The following HTR4 variants were observed in gnomAD, a reference collection of about 807,000 sequenced individuals.
The protein encoded by HTR4 is 5-hydroxytryptamine (serotonin) receptor 4, G protein-coupled.
A neutral mutation model predicts 36.8 loss-of-function variants in HTR4; 16 were observed. That is an observed-to-expected ratio of 0.43 (90% CI 0.29 to 0.66). The LOEUF is 0.66. HTR4 is among the 30% of genes least tolerant of loss of function. The probability of loss-of-function intolerance (pLI) is 0.13; values close to 1 mark genes in which losing one functional copy is unlikely to be tolerated. For synonymous variants in HTR4, 189 were observed against 185.1 expected (o/e 1.02, Z -0.17); for missense variants, 438 against 490.9 (o/e 0.89, Z 1.02).
At chr5:148,623,253 C>T (rs1752977844) in intron 2 of HTR4, among the ~76,000 whole-genome samples, 3 of 152,102 alleles carry the variant, frequency 2.0e-5, no homozygotes, top group Admixed American at 1.3e-4. Context: ...GAAGCAAGCT[C>T]CTTGCCCCCA....
At chr5:148,469,393 T>C (rs1263801774) in intron 5 of HTR4, among the ~76,000 whole-genome samples, 2 of 152,194 alleles carry the variant, frequency 1.3e-5, no homozygotes, top group African/African-American at 4.8e-5. Flanking sequence ...CTTAAATGAG[T>C]CTTGCCATAG....
At chr5:148,548,405 A>G (rs569566789) in intron 4 of HTR4, among the ~76,000 whole-genome samples, 1 of 152,308 alleles carries the variant, frequency 6.6e-6, no homozygotes, top group East Asian at 1.9e-4. Context: ...TTGATTGCTG[A>G]CATCTATTGC....
downstream of HTR4, among the ~76,000 whole-genome samples, chr5:148,479,446 G>A (rs552882115): frequency 9.4e-4 from 143 of 151,970 alleles, 1 homozygote; most frequent in Middle Eastern, 6.8e-3. Context: ...GTTTTCAGAC[G>A]CATTTTTCCT....
At chr5:148,520,927 G>T in intron 5 of HTR4, 1 of 1,367,840 alleles carries the variant, frequency 7.3e-7, no homozygotes, top group South Asian at 1.1e-5. Context: ...CATACCGCAT[G>T]AAAATCCTGG....
intron 2 of HTR4, among the ~76,000 whole-genome samples, chr5:148,595,850 G>A (rs906319408): frequency 1.3e-5 from 2 of 152,112 alleles, no homozygotes; most frequent in Admixed American, 6.6e-5. Context: ...ATAAAATTTT[G>A]GGCCGCATGA....
At chr5:148,578,216 T>C (rs967609989) in intron 2 of HTR4, among the ~76,000 whole-genome samples, 3 of 152,036 alleles carry the variant, frequency 2.0e-5, no homozygotes, top group Non-Finnish European at 4.4e-5. Context: ...GTATTTGTCG[T>C]GCTTTGTTTC....
chr5:148,526,751 A>G (rs1329747415), intron 4 of HTR4, among the ~76,000 whole-genome samples: 1 of 152,166 alleles, frequency 6.6e-6, no homozygotes, highest in Non-Finnish European at 1.5e-5. Flanking sequence ...GGAGGACATT[A>G]TGTTAAGTGA....
downstream of HTR4, among the ~76,000 whole-genome samples, chr5:148,475,488 T>G (rs1361089907): frequency 1.3e-5 from 2 of 152,090 alleles, no homozygotes; most frequent in Non-Finnish European, 2.9e-5. Context: ...ATATTAGGAG[T>G]GTCATAAGAA....
intron 6 of HTR4, among the ~76,000 whole-genome samples, chr5:148,505,105 C>T (rs9716164): frequency 0.46 from 69,102 of 151,762 alleles, 16,122 homozygotes; most frequent in African/African-American, 0.56. Flanking sequence ...CTGATGAACA[C>T]TGATGCAAAA....
intron 2 of HTR4, among the ~76,000 whole-genome samples, chr5:148,619,087 A>AAG (rs550938728): frequency 2.0e-3 from 310 of 152,312 alleles, no homozygotes; most frequent in Middle Eastern, 3.4e-3. Context: ...GGAAAGAAGG[A>AAG]AGAGAGAGAA....
intron 4 of HTR4, among the ~76,000 whole-genome samples, chr5:148,526,199 C>T (rs575442175): frequency 6.6e-6 from 1 of 152,282 alleles, no homozygotes; most frequent in Non-Finnish European, 1.5e-5. Context: ...ACAGCTTTAG[C>T]AAACTAATAC....
chr5:148,506,238 A>T (rs1289172078), intron 6 of HTR4, among the ~76,000 whole-genome samples: 4 of 152,202 alleles, frequency 2.6e-5, no homozygotes, highest in Admixed American at 2.6e-4. Flanking sequence ...CAACCATCTG[A>T]TCTTTGACAA....
At chr5:148,600,716 A>C (rs1426028543) in intron 2 of HTR4, among the ~76,000 whole-genome samples, 1 of 151,972 alleles carries the variant, frequency 6.6e-6, no homozygotes, top group Non-Finnish European at 1.5e-5. Flanking sequence ...TAATGGAAGA[A>C]ATTCGAGAAG....
chr5:148,582,055 G>T (rs1761156893), intron 2 of HTR4, among the ~76,000 whole-genome samples: 1 of 151,752 alleles, frequency 6.6e-6, no homozygotes, highest in South Asian at 2.1e-4. Flanking sequence ...CCTTAGTTAG[G>T]TTTATTCCTA....
chr5:148,618,013 C>G (rs932788009), intron 2 of HTR4, among the ~76,000 whole-genome samples: 1 of 152,034 alleles, frequency 6.6e-6, no homozygotes, highest in Non-Finnish European at 1.5e-5. Context: ...AGCTTCATTC[C>G]TGGGCCAGCT....
At chr5:148,609,863 GCCC>G (rs1049929003) in intron 2 of HTR4, among the ~76,000 whole-genome samples, 5 of 152,140 alleles carry the variant, frequency 3.3e-5, no homozygotes, top group Admixed American at 2.0e-4. Context: ...ACCACGCCCG[GCCC>G]ATGAGCCACT....
At chr5:148,559,088 G>A (rs756076728) in intron 2 of HTR4, among the ~76,000 whole-genome samples, 27 of 152,180 alleles carry the variant, frequency 1.8e-4, no homozygotes, top group East Asian at 1.9e-4. Flanking sequence ...TCTGTAGAGC[G>A]TAGGTTGTTT....
At chr5:148,479,005 GT>G (rs571265831), downstream of HTR4, among the ~76,000 whole-genome samples, 5 of 148,970 alleles carry the variant, frequency 3.4e-5, no homozygotes, top group Non-Finnish European at 6.0e-5. Flanking sequence ...GCCCCCTCCA[GT>G]TTTTTTTTTC....
chr5:148,545,148 C>T (rs537836301), intron 4 of HTR4, among the ~76,000 whole-genome samples: 2 of 152,354 alleles, frequency 1.3e-5, no homozygotes, highest in Admixed American at 1.3e-4. Context: ...TGAGGGAACG[C>T]TCTTGGGACA....
Sources: allele counts gnomAD v4.1 joint callset (sites outside exome capture counted in the v4.1 genomes callset), GRCh38; gene constraint gnomAD v4.1.1; transcripts MANE v1.5; gene names NCBI Gene and HGNC (gene_info 2026-07-23, HGNC 2026-07-21).